TOGARAM1: variants seen among roughly 807,000 people sequenced by gnomAD.
TOGARAM1 encodes the protein TOG array regulator of axonemal microtubules 1, also known as TOG array regulator of axonemal microtubules protein 1.
In TOGARAM1, 100 loss-of-function variants were observed where a neutral mutation model predicts 166.6. That is an observed-to-expected ratio of 0.60 (90% confidence interval 0.51 to 0.71). The LOEUF (loss-of-function observed/expected upper bound fraction) is 0.71, where lower values mean the gene tolerates loss of function less well. TOGARAM1 is among the 30% of genes least tolerant of loss of function. The pLI is 0.00. For synonymous variants in TOGARAM1, 758 were observed against 763.8 expected (o/e 0.99, Z 0.13); for missense variants, 2,029 against 2,102.7 (o/e 0.96, Z 0.69).
chr14:45,057,737 T>C (rs559394559), intron 16 of TOGARAM1, among the ~76,000 whole-genome samples: 1 of 152,296 alleles, frequency 6.6e-6, no homozygotes, highest in African/African-American at 2.4e-5. Context: ...TTTCCATGTA[T>C]TTGTATAGTT....
intron 9 of TOGARAM1, 57 bp downstream of exon 9, chr14:45,027,531 T>C (rs1880923445): frequency 7.4e-7 from 1 of 1,354,308 alleles, no homozygotes; most frequent in African/African-American, 1.5e-5. Flanking sequence ...GTCATTGTTT[T>C]GTGTATATCA....
rs751690173 is a variant in TOGARAM1 at position 44,964,253 on chromosome 14, A to G, written c.1832A>G (p.Asp611Gly). 6.2e-7 allele frequency: 1 copy of G among 1,614,144 alleles called. No individual in the cohort carries two copies. Among genetic ancestry groups the G allele is most frequent in the East Asian group, 2.2e-5 (1 of 44,874 alleles). Residue 611 changes from aspartate to glycine, a missense_variant, in exon 1 of 20, where the codon GAC becomes GGC. Physicochemically the swap from Asp to Gly is moderately conservative, Grantham distance 94. Coordinates refer to ENST00000361462, the MANE Select transcript of TOGARAM1 (RefSeq NM_001308120.2). Reference protein sequence around the residue: ...SNHLAHGADTDWLLAGNRTQS... With the variant: ...SNHLAHGADTGWLLAGNRTQS... ...CATTTGGCACATGGAGCAGATACGG[A>G]CTGGCTTTTGGCTGGTAACAGAACT... is the stretch of plus-strand genomic sequence containing the variant.
At chr14:45,043,183 T>A (rs989056014) in intron 11 of TOGARAM1, among the ~76,000 whole-genome samples, 6 of 152,212 alleles carry the variant, frequency 3.9e-5, no homozygotes, top group South Asian at 2.1e-4. Flanking sequence ...CTTTTATTTT[T>A]TTTTTTCTCT....
chr14:45,055,195 C>T (rs1350380645), intron 16 of TOGARAM1, among the ~76,000 whole-genome samples: 1 of 152,090 alleles, frequency 6.6e-6, no homozygotes, highest in Non-Finnish European at 1.5e-5. Context: ...ATGTAGGTCC[C>T]AAATTTAAGT....
chr14:45,006,004 G>C lies in TOGARAM1; in HGVS notation c.2645-4G>C. On this transcript the variant is annotated splice_region_variant and splice_polypyrimidine_tract_variant and intron_variant, in intron 4 of 19. Coordinates refer to ENST00000361462, the MANE Select transcript of TOGARAM1 (RefSeq NM_001308120.2). ...AAAAAGTAAAATATCTATTTTTCAT[G>C]CAGGAGAAAATTCTCAAGAAAAACC... 6.5e-7 allele frequency: 1 copy of C among 1,532,136 alleles called. No individual in the cohort carries two copies. The highest frequency in any genetic ancestry group is 8.8e-7 in the Non-Finnish European group (1 of 1,139,316). 94.9% of individuals were successfully genotyped at this position (1,532,136 alleles called of 1,614,324 possible). A position where few individuals can be genotyped will look rare whatever the true frequency, so the allele number is the denominator to read the frequency against.
At position 44,995,769 on chromosome 14, in the gene TOGARAM1, A is replaced by G. The variant is rs1489219641; in HGVS notation, c.2070A>G (p.Pro690=). The change falls in exon 2 of 20, where the codon CCA becomes CCG. Residue 690 remains proline, a synonymous_variant. Coordinates refer to ENST00000361462, the MANE Select transcript of TOGARAM1 (RefSeq NM_001308120.2). ...IEQFSTYDFI[P]SAKLKLSQGM... Reference sequence around the variant, plus strand: ...AGTTTTCAACATATGATTTCATCCCATCTGCAAAATTAAAGCTTTCTCAAG... The same window carrying G: ...AGTTTTCAACATATGATTTCATCCCGTCTGCAAAATTAAAGCTTTCTCAAG... 1.1e-5 allele frequency: 18 copies of G among 1,585,212 alleles called. No homozygotes were observed. Among genetic ancestry groups the G allele is most frequent in the Non-Finnish European group, 1.5e-5 (18 of 1,168,058 alleles).
At chr14:44,976,807 A>T (rs760321592) in intron 1 of TOGARAM1, among the ~76,000 whole-genome samples, 3 of 152,220 alleles carry the variant, frequency 2.0e-5, no homozygotes, top group Non-Finnish European at 4.4e-5. Flanking sequence ...AAATTTAAGA[A>T]TATGAAAGTG....
chr14:44,994,399 A>C (rs574579376), intron 1 of TOGARAM1, among the ~76,000 whole-genome samples: 9 of 151,896 alleles, frequency 5.9e-5, no homozygotes, highest in Non-Finnish European at 5.9e-5. Context: ...GATTATAGGC[A>C]TGAGCCATCA....
In TOGARAM1 at chr14:44,985,195, G is replaced by T. The variant is rs567708563; in HGVS notation, c.2047-10551G>T. Among the ~76,000 whole-genome samples, 281 of 152,174 alleles carry T rather than the reference G, an allele frequency of 1.8e-3. 2 individuals carry two copies. The highest frequency in any genetic ancestry group is 6.4e-3 in the African/African-American group (264 of 41,514). On this transcript the variant is annotated intron_variant, in intron 1 of 19. Transcript: ENST00000361462. ...CGCCTGGCTAATTTTTGTATTTTTA[G>T]TAGAGACGAGGTTTCACAATGTGGG...
intron 16 of TOGARAM1, among the ~76,000 whole-genome samples, chr14:45,055,193 C>G (rs1882571052): frequency 6.6e-6 from 1 of 152,082 alleles, no homozygotes; most frequent in Non-Finnish European, 1.5e-5. Flanking sequence ...AAATGTAGGT[C>G]CCAAATTTAA....
At chr14:44,972,048 A>C (rs958496625) in intron 1 of TOGARAM1, among the ~76,000 whole-genome samples, 1 of 152,152 alleles carries the variant, frequency 6.6e-6, no homozygotes, top group African/African-American at 2.4e-5. Context: ...ACACACTTTT[A>C]AACAACCAGA....
intron 7 of TOGARAM1, among the ~76,000 whole-genome samples, chr14:45,021,459 A>G (rs1203059045): frequency 6.6e-6 from 1 of 152,154 alleles, no homozygotes; most frequent in Non-Finnish European, 1.5e-5. Context: ...GAAAGGGGGT[A>G]AGAGAACAGT....
intron 3 of TOGARAM1, among the ~76,000 whole-genome samples, chr14:45,002,856 A>G (rs767438540): frequency 1.3e-5 from 2 of 152,116 alleles, no homozygotes; most frequent in Non-Finnish European, 2.9e-5. Flanking sequence ...GCGGGCACCT[A>G]TCATCCCAGC....
chr14:45,006,047 C>G lies in TOGARAM1; in HGVS notation c.2684C>G (p.Pro895Arg). 1 of 1,603,066 alleles carries G rather than the reference C, an allele frequency of 6.2e-7. No individual in the cohort carries two copies. ...GAAAAACCTCCAGTTCAGCTTACAC[C>G]TGCCTTGGTGAGATCGCCATCTTCC... is the stretch of plus-strand genomic sequence containing the variant. ...SQEKPPVQLTPALVRSPSSRR... is the reference protein window; with the variant it reads ...SQEKPPVQLTRALVRSPSSRR... The change falls in exon 5 of 20, where the codon CCT becomes CGT. Residue 895 changes from proline (P) to arginine (R), a missense_variant. Physicochemically the swap from Pro to Arg is moderately radical, Grantham distance 103. Coordinates refer to ENST00000361462, the MANE Select transcript of TOGARAM1 (RefSeq NM_001308120.2).
intron 19 of TOGARAM1, among the ~76,000 whole-genome samples, 190 bp downstream of exon 19, chr14:45,071,988 T>C (rs1566680916): frequency 1.3e-5 from 2 of 152,204 alleles, no homozygotes; most frequent in Non-Finnish European, 2.9e-5. Context: ...AAGAATTTTA[T>C]CCTTTTTTTT....
intron 1 of TOGARAM1, among the ~76,000 whole-genome samples, chr14:44,993,852 A>C (rs762803130): frequency 2.1e-4 from 32 of 152,198 alleles, no homozygotes; most frequent in Middle Eastern, 3.2e-3. Context: ...CTATATACTA[A>C]TATCTGTTTG....
At chr14:44,992,072 TAAAAAAAAAAAAAAAAA>T (rs71108676) in intron 1 of TOGARAM1, among the ~76,000 whole-genome samples, 23 of 37,952 alleles carry the variant, frequency 6.1e-4, no homozygotes, top group African/African-American at 1.9e-3. Flanking sequence ...CCCTGTCTGT[TAAAAAAAAAAAAAAAAA>T]AAAAAAAAAA....
intron 4 of TOGARAM1, among the ~76,000 whole-genome samples, chr14:45,005,321 G>C (rs1041573786): frequency 3.3e-5 from 5 of 152,094 alleles, no homozygotes; most frequent in African/African-American, 1.2e-4. Flanking sequence ...GACAAATTCA[G>C]TCTTAAAATA....
intron 1 of TOGARAM1, among the ~76,000 whole-genome samples, chr14:44,970,014 C>T (rs546691195): frequency 6.6e-6 from 1 of 152,282 alleles, no homozygotes; most frequent in Non-Finnish European, 1.5e-5. Flanking sequence ...GTTGAGTTCA[C>T]TCTTCTGGGT....
Sources: allele counts gnomAD v4.1 joint callset (sites outside exome capture counted in the v4.1 genomes callset), GRCh38; gene constraint gnomAD v4.1.1; transcripts MANE v1.5; gene names NCBI Gene and HGNC (gene_info 2026-07-23, HGNC 2026-07-21).